PRKG1: variants seen among roughly 807,000 people sequenced by gnomAD.
The protein encoded by PRKG1 is protein kinase cGMP-dependent 1.
PRKG1 carries 35 observed loss-of-function variants against 88.1 expected under a neutral mutation model. The ratio of observed to expected loss-of-function variants is 0.40; its 90% CI spans 0.30 to 0.53. The LOEUF (loss-of-function observed/expected upper bound fraction) is 0.53, where lower values mean the gene tolerates loss of function less well. PRKG1 is among the 20% of genes least tolerant of loss of function. The pLI is 0.59. For missense variants in PRKG1, 540 were observed against 839.8 expected (o/e 0.64, Z 4.41); for synonymous variants, 303 against 292.5 (o/e 1.04, Z -0.37).
chr10:51,524,461 G>A (rs891423865), intron 3 of PRKG1, among the ~76,000 whole-genome samples: 2 of 152,182 alleles, frequency 1.3e-5, no homozygotes, highest in African/African-American at 2.4e-5. Flanking sequence ...CATAAATGAA[G>A]GGGTATGTCT....
At chr10:51,139,667 C>T (rs989842217) in intron 1 of PRKG1, among the ~76,000 whole-genome samples, 2 of 152,226 alleles carry the variant, frequency 1.3e-5, no homozygotes, top group African/African-American at 4.8e-5. Flanking sequence ...ATAGCGCCCA[C>T]TTGCAAAATA....
chr10:51,282,368 T>TAG (rs1170383075), intron 2 of PRKG1, among the ~76,000 whole-genome samples: 30 of 151,744 alleles, frequency 2.0e-4, no homozygotes, highest in Non-Finnish European at 2.5e-4. Context: ...TATATATATA[T>TAG]AGAGAGAGAG....
chr10:51,291,551 A>G (rs1356025350), intron 2 of PRKG1, among the ~76,000 whole-genome samples: 2 of 152,154 alleles, frequency 1.3e-5, no homozygotes, highest in Non-Finnish European at 2.9e-5. Context: ...TGTGCCCATA[A>G]CTAAATCATT....
chr10:51,461,641 A>G (rs1588981247), intron 2 of PRKG1, among the ~76,000 whole-genome samples: 1 of 152,178 alleles, frequency 6.6e-6, no homozygotes, highest in Admixed American at 6.6e-5. Flanking sequence ...CAGATTTGAA[A>G]GCAATCTTAA....
chr10:51,046,366 G>A (rs1843487974), intron 1 of PRKG1, among the ~76,000 whole-genome samples: 1 of 152,178 alleles, frequency 6.6e-6, no homozygotes, highest in African/African-American at 2.4e-5. Flanking sequence ...GATACATTCT[G>A]GGTGGAATCT....
chr10:51,942,398 A>G (rs1243413934), intron 5 of PRKG1, among the ~76,000 whole-genome samples: 1 of 150,766 alleles, frequency 6.6e-6, no homozygotes, highest in African/African-American at 2.4e-5. Context: ...CCCATTTTGT[A>G]GGTTGCCTGT....
At chr10:51,475,473 C>A (rs1588995284) in intron 3 of PRKG1, among the ~76,000 whole-genome samples, 1 of 151,980 alleles carries the variant, frequency 6.6e-6, no homozygotes, top group East Asian at 1.9e-4. Flanking sequence ...TTAACCTACA[C>A]ATATGCATAC....
At chr10:51,911,862 G>C (rs1205240111) in intron 5 of PRKG1, among the ~76,000 whole-genome samples, 1 of 152,172 alleles carries the variant, frequency 6.6e-6, no homozygotes, top group African/African-American at 2.4e-5. Context: ...ATTTTGAAAG[G>C]AAAGCAGTAC....
intron 3 of PRKG1, among the ~76,000 whole-genome samples, chr10:51,469,163 A>G (rs1839981920): frequency 6.6e-6 from 1 of 151,890 alleles, no homozygotes; most frequent in African/African-American, 2.4e-5. Flanking sequence ...CCTTAACTAT[A>G]GAAAGAATAG....
chr10:51,870,324 C>T (rs1841123855), intron 4 of PRKG1, among the ~76,000 whole-genome samples: 1 of 152,022 alleles, frequency 6.6e-6, no homozygotes, highest in Admixed American at 6.6e-5. Flanking sequence ...TAAAAGACGT[C>T]TTGTTCCTCC....
At chr10:51,050,784 G>T (rs891400313) in intron 1 of PRKG1, among the ~76,000 whole-genome samples, 1 of 151,960 alleles carries the variant, frequency 6.6e-6, no homozygotes, top group Non-Finnish European at 1.5e-5. Flanking sequence ...CACCAACAGG[G>T]TTACAATTTT....
At chr10:51,222,122 G>GCCCCCCCCCCCCCCCCCCCCCCCC (rs747668688) in intron 2 of PRKG1, among the ~76,000 whole-genome samples, 1 of 114,416 alleles carries the variant, frequency 8.7e-6, no homozygotes, top group Non-Finnish European at 1.7e-5. Flanking sequence ...CGTGATCCGC[G>GCCCCCCCCCCCCCCCCCCCCCCCC]CCCCCCCCCG....
chr10:51,103,820 A>G (rs1844747359), intron 1 of PRKG1, among the ~76,000 whole-genome samples: 1 of 152,202 alleles, frequency 6.6e-6, no homozygotes, highest in East Asian at 1.9e-4. Context: ...TATTGAGAGG[A>G]AAGCGTCTGG....
At chr10:51,709,333 A>T (rs965267284) in intron 3 of PRKG1, among the ~76,000 whole-genome samples, 7 of 152,184 alleles carry the variant, frequency 4.6e-5, no homozygotes, top group African/African-American at 1.7e-4. Context: ...ATTTTTCTTG[A>T]CAGTTTAATG....
intron 4 of PRKG1, among the ~76,000 whole-genome samples, chr10:51,853,890 T>C (rs1379337739): frequency 6.6e-6 from 1 of 152,160 alleles, no homozygotes; most frequent in Non-Finnish European, 1.5e-5. Context: ...GTTTGTAAGT[T>C]TCCTGTTTTA....
chr10:51,629,866 A>C (rs1324451146), intron 3 of PRKG1, among the ~76,000 whole-genome samples: 1 of 152,172 alleles, frequency 6.6e-6, no homozygotes, highest in Non-Finnish European at 1.5e-5. Context: ...AGCTGGGAGA[A>C]AGAAGGCCCT....
rs539474107 is a variant in PRKG1, at chr10:51,412,883, G to A, written c.479-54840G>A. ...TTAAGTGTAGGTGGAAAGAAGGGAA[G>A]GGAGGGATAGAGGGAGAAAGGTTGA... On this transcript the variant is annotated intron_variant, in intron 2 of 17. Transcript: ENST00000373980. 1.1e-4 allele frequency among the ~76,000 whole-genome samples: 17 copies of A among 152,268 alleles called. No homozygotes were observed. The South Asian group carries it at 3.5e-3, about 32-fold the overall frequency.
intron 2 of PRKG1, among the ~76,000 whole-genome samples, chr10:51,400,966 G>A (rs1185479061): frequency 6.6e-6 from 1 of 152,142 alleles, no homozygotes; most frequent in Non-Finnish European, 1.5e-5. Flanking sequence ...TACTACATAC[G>A]ATTCTTCTCA....
At chr10:51,421,148 G>A (rs1838403737) in intron 2 of PRKG1, among the ~76,000 whole-genome samples, 1 of 150,670 alleles carries the variant, frequency 6.6e-6, no homozygotes, top group Non-Finnish European at 1.5e-5. Context: ...ATGGCACTCT[G>A]TGCCTTTTAT....
Sources: gnomAD v4.1 joint callset for allele counts (sites outside exome capture counted in the v4.1 genomes callset) on GRCh38, gnomAD v4.1.1 for gene constraint, MANE v1.5 for transcripts, NCBI Gene and HGNC (gene_info 2026-07-23, HGNC 2026-07-21) for gene names.